Variants in SDK1 observed in about 807,000 individuals in gnomAD.
SDK1 encodes sidekick cell adhesion molecule 1, also known as protein sidekick-1.
In SDK1, 157 loss-of-function variants were observed where a neutral mutation model predicts 245.5. That is an observed-to-expected ratio of 0.64 (90% CI 0.56 to 0.73). The LOEUF (loss-of-function observed/expected upper bound fraction) is 0.73. Among genes scored for constraint, SDK1 ranks in the 30% least tolerant of loss-of-function variants. SDK1 has a pLI of 0.00. For synonymous variants in SDK1, 1,647 were observed against 1,278.5 expected (o/e 1.29, Z -6.15); for missense variants, 3,583 against 3,002.3 (o/e 1.19, Z -4.52).
chr7:3,582,304 CCTCAGGTAGGTCTGT>C (rs1562579775), intron 1 of SDK1, among the ~76,000 whole-genome samples: 28 of 144,088 alleles, frequency 1.9e-4, no homozygotes, highest in Admixed American at 4.1e-4. Context: ...GGTAGGTCTC[CCTCAGGTAGGTCTGT>C]CTCAGGTAGG....
intron 4 of SDK1, among the ~76,000 whole-genome samples, chr7:3,712,080 G>T (rs796289917): frequency 2.0e-5 from 3 of 152,268 alleles, no homozygotes; most frequent in Admixed American, 1.3e-4. Context: ...GCAGAGGTCC[G>T]CAACCCTTGG....
intron 4 of SDK1, among the ~76,000 whole-genome samples, chr7:3,704,678 A>T (rs1186574150): frequency 2.0e-5 from 3 of 151,984 alleles, no homozygotes; most frequent in African/African-American, 7.2e-5. Context: ...TGCTGTACAG[A>T]AGCTTTTTAG....
chr7:3,531,649 C>T (rs982870210), intron 1 of SDK1, among the ~76,000 whole-genome samples: 2 of 152,082 alleles, frequency 1.3e-5, no homozygotes, highest in Admixed American at 6.6e-5. Context: ...CTATTTTCTC[C>T]CACATTAGTG....
intron 1 of SDK1, among the ~76,000 whole-genome samples, chr7:3,485,157 A>G (rs759996662): frequency 3.9e-5 from 6 of 152,038 alleles, no homozygotes; most frequent in Admixed American, 2.0e-4. Context: ...CATCCTAGCC[A>G]GCATTTGTTA....
intron 1 of SDK1, among the ~76,000 whole-genome samples, chr7:3,458,598 A>G (rs1011213894): frequency 6.6e-6 from 1 of 151,910 alleles, no homozygotes; most frequent in Non-Finnish European, 1.5e-5. Context: ...AACCATCTAC[A>G]AGTATACAAC....
chr7:3,492,140 C>G (rs1025718292), intron 1 of SDK1, among the ~76,000 whole-genome samples: 1 of 152,210 alleles, frequency 6.6e-6, no homozygotes, highest in African/African-American at 2.4e-5. Context: ...ACTTAGGATG[C>G]TAGGGAACTT....
intron 1 of SDK1, among the ~76,000 whole-genome samples, chr7:3,444,152 C>T (rs1043787562): frequency 6.6e-6 from 1 of 152,164 alleles, no homozygotes; most frequent in Admixed American, 6.5e-5. Flanking sequence ...TTAATTCTGT[C>T]CTTATTTATA....
intron 5 of SDK1, among the ~76,000 whole-genome samples, chr7:3,906,363 C>T (rs574243421): frequency 6.6e-6 from 1 of 151,928 alleles, no homozygotes; most frequent in Admixed American, 6.6e-5. Flanking sequence ...CTAATCTTTA[C>T]AATGGTGGCT....
Position 4,235,939 on chromosome 7 carries a change from G to A in SDK1, c.5993-1708G>A, listed in dbSNP as rs1389638378. The stretch of plus-strand genomic sequence containing the variant: ...CAGGTGCTGGGGTCAGGCCCACTCC[G>A]GGCCAGTTGCCCGGTGGTGTAAGTG... On this transcript the variant is annotated intron_variant, in intron 41 of 44. Coordinates refer to ENST00000404826, the MANE Select transcript of SDK1 (RefSeq NM_152744.4). Among the ~76,000 whole-genome samples the A allele has an allele frequency of 4.6e-5, 7 of 152,244 alleles. No individual in the cohort carries two copies. The South Asian group carries it at 1.0e-3, about 22-fold the overall frequency.
At chr7:3,617,145 T>G (rs1002798176) in intron 1 of SDK1, among the ~76,000 whole-genome samples, 2 of 152,180 alleles carry the variant, frequency 1.3e-5, no homozygotes, top group African/African-American at 4.8e-5. Flanking sequence ...TAGGTTAATA[T>G]ATATATAAGG....
chr7:4,100,889 C>G (rs948027666), intron 22 of SDK1, among the ~76,000 whole-genome samples: 1 of 152,120 alleles, frequency 6.6e-6, no homozygotes, highest in Admixed American at 6.5e-5. Flanking sequence ...TAACAAGGAC[C>G]CCAGACTCAT....
At chr7:3,945,807 G>A (rs576882598) in intron 5 of SDK1, among the ~76,000 whole-genome samples, 1 of 144,778 alleles carries the variant, frequency 6.9e-6, no homozygotes, top group East Asian at 2.2e-4. Flanking sequence ...GCTGAGGCAG[G>A]AGAATGGTGT....
intron 1 of SDK1, among the ~76,000 whole-genome samples, chr7:3,367,503 A>T (rs180978523): frequency 6.6e-6 from 1 of 152,194 alleles, no homozygotes; most frequent in African/African-American, 2.4e-5. Context: ...CATTCCCGGC[A>T]TTTCATCTAT....
chr7:3,727,257 C>G (rs1316282879), intron 4 of SDK1, among the ~76,000 whole-genome samples: 1 of 152,174 alleles, frequency 6.6e-6, no homozygotes, highest in African/African-American at 2.4e-5. Flanking sequence ...AACCTTGTTG[C>G]CATGTTGATT....
intron 1 of SDK1, among the ~76,000 whole-genome samples, chr7:3,528,840 G>A (rs1284606216): frequency 6.6e-6 from 1 of 152,118 alleles, no homozygotes; most frequent in East Asian, 1.9e-4. Flanking sequence ...AGGTAGGTTT[G>A]GGGCTGAAAA....
chr7:3,827,158 G>T (rs990673754), intron 5 of SDK1, among the ~76,000 whole-genome samples: 1 of 148,514 alleles, frequency 6.7e-6, no homozygotes, highest in African/African-American at 2.5e-5. Context: ...TGCCCTCAAA[G>T]TTTGAACACA....
intron 1 of SDK1, among the ~76,000 whole-genome samples, chr7:3,506,845 T>C (rs1583969870): frequency 6.6e-6 from 1 of 152,150 alleles, no homozygotes; most frequent in Non-Finnish European, 1.5e-5. Flanking sequence ...TTTTTTTTTT[T>C]AAATAAACAC....
intron 14 of SDK1, among the ~76,000 whole-genome samples, chr7:3,999,200 A>G (rs1400690266): frequency 2.0e-5 from 3 of 152,186 alleles, no homozygotes; most frequent in Admixed American, 6.5e-5. Context: ...GAAATGAGCC[A>G]TCGACCTTCT....
chr7:3,766,756 C>T (rs1207480548), intron 4 of SDK1, among the ~76,000 whole-genome samples: 1 of 152,062 alleles, frequency 6.6e-6, no homozygotes, highest in Non-Finnish European at 1.5e-5. Flanking sequence ...GAGATTAGGG[C>T]TTGTTCCTTT....
Sources: gnomAD v4.1 joint callset for allele counts (sites outside exome capture counted in the v4.1 genomes callset) on GRCh38, gnomAD v4.1.1 for gene constraint, MANE v1.5 for transcripts, NCBI Gene and HGNC (gene_info 2026-07-23, HGNC 2026-07-21) for gene names.